The following RTN1 variants were observed in gnomAD, a reference collection of about 807,000 sequenced individuals.
RTN1 encodes reticulon 1.
Under a neutral mutation model 65.5 loss-of-function variants are expected in RTN1, and 25 were observed. The observed-to-expected ratio is 0.38, with a 90% CI of 0.28 to 0.53. RTN1 has a LOEUF of 0.53. RTN1 is among the 20% of genes least tolerant of loss of function. The pLI is 0.79. For synonymous variants in RTN1, 471 were observed against 447.6 expected (o/e 1.05, Z -0.66); for missense variants, 983 against 1,025.4 (o/e 0.96, Z 0.57).
intron 3 of RTN1, among the ~76,000 whole-genome samples, chr14:59,709,206 C>T (rs547673845): frequency 2.2e-4 from 34 of 152,068 alleles, no homozygotes; most frequent in Non-Finnish European, 4.6e-4. Context: ...TTTTAAAATG[C>T]TTTTCCCAAA....
intron 2 of RTN1, among the ~76,000 whole-genome samples, chr14:59,729,375 T>C (rs1195954413): frequency 2.4e-5 from 3 of 127,152 alleles, no homozygotes; most frequent in Non-Finnish European, 3.4e-5. Flanking sequence ...ATATGATCTA[T>C]GGGTTCCCCC....
intron 2 of RTN1, among the ~76,000 whole-genome samples, chr14:59,736,092 A>T (rs1884996074): frequency 6.6e-6 from 1 of 152,216 alleles, no homozygotes; most frequent in South Asian, 2.1e-4. Flanking sequence ...AAAGCTAGAA[A>T]GATCTTAAGT....
intron 1 of RTN1, among the ~76,000 whole-genome samples, chr14:59,853,631 AG>A (rs1887549054): frequency 6.6e-6 from 1 of 152,096 alleles, no homozygotes; most frequent in Admixed American, 6.6e-5. Flanking sequence ...AAGTATTCCC[AG>A]CTCTCTCCTA....
intron 3 of RTN1, among the ~76,000 whole-genome samples, chr14:59,616,915 A>G (rs1882117944): frequency 1.3e-5 from 2 of 152,224 alleles, no homozygotes; most frequent in Non-Finnish European, 2.9e-5. Flanking sequence ...CTTTAGAGCT[A>G]TTTGCAACTT....
At chr14:59,806,531 T>C (rs1417836255) in intron 1 of RTN1, among the ~76,000 whole-genome samples, 3 of 152,152 alleles carry the variant, frequency 2.0e-5, no homozygotes, top group Non-Finnish European at 4.4e-5. Flanking sequence ...ACTTGTGTCA[T>C]GGGGGTTTAT....
At chr14:59,633,748 T>C (rs574898561) in intron 3 of RTN1, among the ~76,000 whole-genome samples, 10 of 152,352 alleles carry the variant, frequency 6.6e-5, no homozygotes, top group African/African-American at 2.4e-4. Context: ...GTGATTTCTT[T>C]ACTTTTCAGG....
At chr14:59,638,663 TGC>T (rs1882715975) in intron 3 of RTN1, among the ~76,000 whole-genome samples, 1 of 152,194 alleles carries the variant, frequency 6.6e-6, no homozygotes, top group South Asian at 2.1e-4. Context: ...AACCAACCTC[TGC>T]TAGCTTCCAA....
In RTN1 at chr14:59,793,636, C is replaced by CACCACACA. The variant is rs771792171; in HGVS notation, c.242-47156_242-47155insTGTGTGGT. 3.7e-3 allele frequency among the ~76,000 whole-genome samples: 531 copies of CACCACACA among 144,296 alleles called. 5 individuals are homozygous for CACCACACA. Among genetic ancestry groups the CACCACACA allele is most frequent in the African/African-American group, 0.011 (422 of 38,660 alleles). 94.7% of individuals were successfully genotyped at this position (144,296 alleles called of 152,430 possible). On this transcript the variant is annotated intron_variant, in intron 1 of 8. Transcript: ENST00000267484. ...TTACCTTGTCAATTACAGGCACACA[C>CACCACACA]CACACACACACACACACACACACAC...
chr14:59,709,659 G>T (rs1884374331), intron 3 of RTN1, among the ~76,000 whole-genome samples: 1 of 152,066 alleles, frequency 6.6e-6, no homozygotes, highest in Admixed American at 6.5e-5. Flanking sequence ...TGCCTATGGG[G>T]GTCCAGGCAG....
At chr14:59,645,974 G>C (rs1233876393) in intron 3 of RTN1, among the ~76,000 whole-genome samples, 2 of 152,156 alleles carry the variant, frequency 1.3e-5, no homozygotes, top group Non-Finnish European at 2.9e-5. Flanking sequence ...GGGTTGGCTG[G>C]AATAACAGAA....
At chr14:59,597,706 G>C (rs1437928676) in intron 8 of RTN1, among the ~76,000 whole-genome samples, 1 of 152,200 alleles carries the variant, frequency 6.6e-6, no homozygotes, top group Admixed American at 6.5e-5. Context: ...CAGGCAGTGA[G>C]GGGCACAGTG....
In RTN1 at chr14:59,746,205, G is replaced by A; in HGVS notation, c.518C>T (p.Ala173Val). ...GATCTTGTTCACTTCCGTGGACTCT[G>A]CAGGAGTCATCTCTATTCCAGAATC... ...SSDSGIEMTP[A>V]ESTEVNKILA... Residue 173 changes from alanine to valine, a missense_variant, in exon 2 of 9, where the codon GCA (alanine) becomes GTA (valine). By Grantham distance (64) the Ala-to-Val change is moderately conservative. Coordinates refer to ENST00000267484, the MANE Select transcript of RTN1 (RefSeq NM_021136.3). 1 of 1,612,070 alleles carries A rather than the reference G, an allele frequency of 6.2e-7. No individual in the cohort carries two copies. Among genetic ancestry groups the A allele is most frequent in the Non-Finnish European group, 8.5e-7 (1 of 1,179,168 alleles).
Position 59,820,356 on chromosome 14 carries a change from G to GTTTTTTTT in RTN1, c.241+50026_241+50033dup, listed in dbSNP as rs34274539. Among the ~76,000 whole-genome samples the GTTTTTTTT allele has an allele frequency of 8.3e-4, 66 of 79,298 alleles. 1 individual carries two copies. The highest frequency in any genetic ancestry group is 1.1e-3 in the African/African-American group (23 of 21,204). The allele number at this position is 79,298 out of a possible 152,430, so 52.0% of individuals were successfully genotyped here. ...TCTGTAGGCTGTCTGCTTATTGATA[G>GTTTTTTTT]TTTTTTTTTTTTTTTTTTTTTTTGC... On this transcript the variant is annotated intron_variant, in intron 1 of 8. Transcript: ENST00000267484.
At chr14:59,751,191 CTTT>C (rs34021179) in intron 1 of RTN1, among the ~76,000 whole-genome samples, 1 of 90,810 alleles carries the variant, frequency 1.1e-5, no homozygotes. Flanking sequence ...CTCATTATAC[CTTT>C]TTTTTTTTTT....
In RTN1 at chr14:59,596,753, C is replaced by T. The variant is rs748247614; in HGVS notation, c.2323G>A (p.Ala775Thr). ...CCCGGTGGGAAATCAGTTTACTCAG[C>T]ATGCCTCTTAGCGCCTGGGATTTTA... is the stretch of plus-strand genomic sequence containing the variant. ...QAKIPGAKRHAE is the reference protein window; with the variant it reads ...QAKIPGAKRHTE The change falls in exon 9 of 9, where the codon GCT (alanine) becomes ACT (threonine). Residue 775 changes from alanine to threonine, a missense_variant. Physicochemically the swap from Ala to Thr is moderately conservative, Grantham distance 58 (BLOSUM62 0). Transcript: ENST00000267484. The T allele has an allele frequency of 2.0e-5, 33 of 1,610,864 alleles. 1 individual carries two copies. The highest frequency in any genetic ancestry group is 2.6e-5 in the Non-Finnish European group (31 of 1,177,266).
chr14:59,850,293 C>A (rs1887481589), intron 1 of RTN1, among the ~76,000 whole-genome samples: 1 of 152,184 alleles, frequency 6.6e-6, no homozygotes, highest in Admixed American at 6.5e-5. Context: ...AGCTTAGCCT[C>A]ATCTATCTGA....
intron 1 of RTN1, among the ~76,000 whole-genome samples, chr14:59,809,030 G>A (rs1380906119): frequency 6.6e-6 from 1 of 152,042 alleles, no homozygotes; most frequent in Non-Finnish European, 1.5e-5. Context: ...TTGAGAACGG[G>A]CTAACAAAAA....
At chr14:59,861,657 T>A (rs1887712179) in intron 1 of RTN1, among the ~76,000 whole-genome samples, 1 of 152,200 alleles carries the variant, frequency 6.6e-6, no homozygotes, top group African/African-American at 2.4e-5. Context: ...GTTCTAATTA[T>A]TAGAACATTT....
chr14:59,799,538 C>G (rs1886500488), intron 1 of RTN1, among the ~76,000 whole-genome samples: 3 of 152,178 alleles, frequency 2.0e-5, no homozygotes, highest in Non-Finnish European at 2.9e-5. Context: ...AAAGAGACAG[C>G]CACCATAATA....
Sources: gnomAD v4.1 joint callset for allele counts (sites outside exome capture counted in the v4.1 genomes callset) on GRCh38, gnomAD v4.1.1 for gene constraint, MANE v1.5 for transcripts, NCBI Gene and HGNC (gene_info 2026-07-23, HGNC 2026-07-21) for gene names.